CLNK: variants seen among roughly 807,000 people sequenced by gnomAD.
The protein encoded by CLNK is cytokine dependent hematopoietic cell linker, also known as cytokine-dependent hematopoietic cell linker.
In CLNK, 74 loss-of-function variants were observed where a neutral mutation model predicts 68.6. The observed-to-expected ratio is 1.08, with a 90% CI of 0.89 to 1.31. CLNK has a LOEUF of 1.31. CLNK is among the 50% of genes most tolerant of loss of function. The pLI, the probability that CLNK is intolerant of heterozygous loss-of-function variation, is 0.00. For synonymous variants in CLNK, 198 were observed against 172.2 expected, an observed-to-expected ratio of 1.15 and a Z score of -1.17; for missense variants, 553 against 515.3, an observed-to-expected ratio of 1.07 and a Z score of -0.71.
At chr4:10,620,180 C>A (rs1221762719) in intron 2 of CLNK, among the ~76,000 whole-genome samples, 1 of 152,126 alleles carries the variant, frequency 6.6e-6, no homozygotes, top group East Asian at 1.9e-4. Context: ...CACATCTCCT[C>A]GTTGTGAAAA....
At position 10,487,870 on chromosome 4, in the gene CLNK, A is replaced by G. The variant is rs1199209881; in HGVS notation, c.*2597T>C. 6.6e-6 allele frequency: 1 copy of G among 151,828 alleles called. No individual in the cohort carries two copies. The highest frequency in any genetic ancestry group is 1.9e-4 in the East Asian group (1 of 5,162). The allele number at this position is 151,828 out of a possible 1,614,324, so 9.4% of individuals were successfully genotyped here. A position where few individuals can be genotyped will look rare whatever the true frequency, so the allele number is the denominator to read the frequency against. ...AGGTGGGAGCCTGAAAGCCCACCCC[A>G]TACCCATACTTCTGTTTCTTCTCCC... On this transcript the variant is annotated 3_prime_UTR_variant, in exon 19 of 19. Transcript: ENST00000226951.
At chr4:10,581,777 T>A (rs1186257443) in intron 4 of CLNK, among the ~76,000 whole-genome samples, 1 of 152,054 alleles carries the variant, frequency 6.6e-6, no homozygotes, top group African/African-American at 2.4e-5. Flanking sequence ...CCCACCTCAT[T>A]CCTTGATTGC....
rs773805134 is a variant in CLNK, at chr4:10,566,036, G to A, written c.265C>T (p.Arg89Trp). ...TWQSIKILPA[R>W]PIKESEYADT... ...GCATATTCAGATTCCTTTATAGGCCGGGCTGGTAAAATTTTAATCGACTGC... is the reference window on the plus strand; with the variant it reads ...GCATATTCAGATTCCTTTATAGGCCAGGCTGGTAAAATTTTAATCGACTGC... The change falls in exon 6 of 19, where the codon CGG (arginine) becomes TGG (tryptophan). Residue 89 changes from arginine to tryptophan, a missense_variant. Transcript: ENST00000226951. 8.7e-6 allele frequency: 14 copies of A among 1,613,696 alleles called. No individual in the cohort carries two copies. In the East Asian group the frequency reaches 1.1e-4, roughly 13 times the overall value.
chr4:10,560,847 C>T (rs1288643457), intron 7 of CLNK, among the ~76,000 whole-genome samples: 2 of 152,080 alleles, frequency 1.3e-5, no homozygotes, highest in African/African-American at 4.8e-5. Flanking sequence ...ATCTGCTTGC[C>T]ATAAATACTT....
At chr4:10,530,078 C>T (rs374995253) in intron 12 of CLNK, among the ~76,000 whole-genome samples, 13 of 151,408 alleles carry the variant, frequency 8.6e-5, no homozygotes, top group Non-Finnish European at 1.5e-4. Flanking sequence ...TCCTTCCTTC[C>T]GTATTCTTTT....
chr4:10,555,019 C>T (rs908312164), intron 8 of CLNK, among the ~76,000 whole-genome samples: 1 of 152,194 alleles, frequency 6.6e-6, no homozygotes, highest in African/African-American at 2.4e-5. Flanking sequence ...CACTTCCCTT[C>T]CTTATGTAAA....
chr4:10,628,547 G>C (rs1722764847), intron 2 of CLNK, among the ~76,000 whole-genome samples: 1 of 152,166 alleles, frequency 6.6e-6, no homozygotes, highest in Admixed American at 6.5e-5. Context: ...ATTGAGAATA[G>C]AGCAGAAGAT....
chr4:10,673,796 C>G (rs1485023899), intron 1 of CLNK, among the ~76,000 whole-genome samples: 1 of 151,646 alleles, frequency 6.6e-6, no homozygotes, highest in Non-Finnish European at 1.5e-5. Context: ...GGCTGTGGAG[C>G]GTCAGCCTTG....
chr4:10,694,650 G>A, the CLNK span, among the ~76,000 whole-genome samples: 1 of 152,082 alleles, frequency 6.6e-6, no homozygotes, highest in African/African-American at 2.4e-5. Context: ...ACTCTACAAT[G>A]TTTGCACAAC....
rs537605981 is a variant in CLNK, at chr4:10,642,151, A to G, written c.11+25708T>C. Among the ~76,000 whole-genome samples, 19 of 152,368 alleles carry G rather than the reference A, an allele frequency of 1.2e-4. No individual in the cohort carries two copies. In the South Asian group the frequency reaches 3.9e-3, roughly 32 times the overall value. ...CAATAAAGGCAAAGGCATAAATCAA[A>G]GTAAAAATAAATACACAAATTGGAC... On this transcript the variant is annotated intron_variant, in intron 2 of 18. Transcript: ENST00000226951.
intron 1 of CLNK, among the ~76,000 whole-genome samples, chr4:10,680,779 G>T (rs1725067735): frequency 6.6e-6 from 1 of 152,022 alleles, no homozygotes; most frequent in Non-Finnish European, 1.5e-5. Context: ...TAAATAACTT[G>T]TCTAAAACCA....
chr4:10,603,466 T>C (rs1721667865), intron 2 of CLNK, among the ~76,000 whole-genome samples: 1 of 152,366 alleles, frequency 6.6e-6, no homozygotes, highest in Non-Finnish European at 1.5e-5. Context: ...GAGTTTTTTT[T>C]GCCTCATGTT....
chr4:10,654,272 A>G (rs936426150), intron 2 of CLNK, among the ~76,000 whole-genome samples: 10 of 151,274 alleles, frequency 6.6e-5, no homozygotes, highest in African/African-American at 2.4e-4. Flanking sequence ...TAACATTACC[A>G]AACCCATTAA....
At chr4:10,733,554 C>A in the CLNK span, among the ~76,000 whole-genome samples, 1 of 152,210 alleles carries the variant, frequency 6.6e-6, no homozygotes. Context: ...AAGTGCCTAG[C>A]ACCTTCAGTG....
At chr4:10,561,356 T>C (rs1719882364) in intron 7 of CLNK, among the ~76,000 whole-genome samples, 1 of 152,186 alleles carries the variant, frequency 6.6e-6, no homozygotes, top group Non-Finnish European at 1.5e-5. Context: ...CAAAGTGATC[T>C]AGCCAAAGGA....
chr4:10,646,906 C>G (rs1723535402), intron 2 of CLNK, among the ~76,000 whole-genome samples: 1 of 152,162 alleles, frequency 6.6e-6, no homozygotes, highest in Non-Finnish European at 1.5e-5. Context: ...ATTGCTGAAC[C>G]AAGACTTTTG....
the CLNK span, among the ~76,000 whole-genome samples, chr4:10,709,861 C>T: frequency 1.3e-5 from 2 of 152,110 alleles, no homozygotes; most frequent in African/African-American, 2.4e-5. Context: ...ACATGTGAAG[C>T]CATCCAAGAT....
At chr4:10,515,610 G>GGCA (rs921680777) in intron 15 of CLNK, among the ~76,000 whole-genome samples, 9 of 152,198 alleles carry the variant, frequency 5.9e-5, no homozygotes, top group African/African-American at 2.2e-4. Context: ...GAAAACAAGC[G>GGCA]GCAGTATCTG....
At chr4:10,598,792 A>G (rs1366537867) in intron 2 of CLNK, 1 of 305,138 alleles carries the variant, frequency 3.3e-6, no homozygotes, top group Admixed American at 4.0e-5. Flanking sequence ...AGCTCTATCA[A>G]ACACTGACTG....
Sources: allele counts gnomAD v4.1 joint callset (sites outside exome capture counted in the v4.1 genomes callset), GRCh38; gene constraint gnomAD v4.1.1; transcripts MANE v1.5; gene names NCBI Gene and HGNC (gene_info 2026-07-23, HGNC 2026-07-21).